Variants in CSMD3 observed in about 807,000 individuals in gnomAD.
CSMD3 encodes the protein CUB and Sushi multiple domains 3.
CSMD3 carries 177 observed loss-of-function variants against 435.2 expected under a neutral mutation model. That is an observed-to-expected ratio of 0.41 (90% CI 0.36 to 0.46). CSMD3 has a LOEUF of 0.46. Ranked by LOEUF, CSMD3 falls within the 20% of genes least tolerant of loss-of-function variation. The pLI, the probability that CSMD3 is intolerant of heterozygous loss-of-function variation, is 0.34. For synonymous variants in CSMD3, 1,656 were observed against 1,520.5 expected (o/e 1.09, Z -2.07); for missense variants, 4,265 against 4,504.6 (o/e 0.95, Z 1.52).
intron 16 of CSMD3, among the ~76,000 whole-genome samples, chr8:112,681,364 T>C (rs956703539): frequency 2.6e-5 from 4 of 151,952 alleles, no homozygotes; most frequent in Non-Finnish European, 5.9e-5. Flanking sequence ...TTTATATCTT[T>C]ATAATAAAAT....
At chr8:112,752,845 A>G (rs913561289) in intron 13 of CSMD3, among the ~76,000 whole-genome samples, 3 of 152,024 alleles carry the variant, frequency 2.0e-5, no homozygotes, top group African/African-American at 7.2e-5. Flanking sequence ...AATGTTTCCT[A>G]TAGTGTAAGA....
intron 7 of CSMD3, among the ~76,000 whole-genome samples, chr8:112,959,696 C>T (rs183413727): frequency 4.0e-4 from 61 of 151,756 alleles, no homozygotes; most frequent in Admixed American, 3.2e-3. Context: ...ATAAACTATA[C>T]TACTAATACA....
At chr8:112,657,387 C>T (rs1162746748) in intron 17 of CSMD3, among the ~76,000 whole-genome samples, 1 of 152,098 alleles carries the variant, frequency 6.6e-6, no homozygotes, top group Non-Finnish European at 1.5e-5. Flanking sequence ...AATAGTATTA[C>T]ATTATCTTAA....
At chr8:113,239,886 G>A (rs1049306501) in intron 3 of CSMD3, among the ~76,000 whole-genome samples, 2 of 151,920 alleles carry the variant, frequency 1.3e-5, no homozygotes, top group African/African-American at 4.8e-5. Context: ...TTAAATTCAG[G>A]GTTAAATTTG....
intron 66 of CSMD3, among the ~76,000 whole-genome samples, chr8:112,239,731 T>G (rs1337025262): frequency 1.3e-5 from 2 of 152,124 alleles, no homozygotes; most frequent in Non-Finnish European, 2.9e-5. Flanking sequence ...CTTAACATAT[T>G]TTGAATTTCA....
chr8:112,550,752 G>A lies in CSMD3; in HGVS notation c.4483C>T (p.His1495Tyr), dbSNP rs2131189318. Residue 1495 changes from histidine (H) to tyrosine (Y), a missense_variant, in exon 27 of 71, where the codon CAT becomes TAT. Transcript: ENST00000297405. The stretch of plus-strand genomic sequence containing the variant: ...ATGGTTACTATATTGAGGGTGCTAT[G>A]AATTCCTTCAGGAATAAGAGATCCA... ...ISGSLIPEGIHSTLNIVTIQF... is the reference protein window; with the variant it reads ...ISGSLIPEGIYSTLNIVTIQF... 2.5e-6 allele frequency: 4 copies of A among 1,603,570 alleles called. No homozygotes were observed. Among genetic ancestry groups the A allele is most frequent in the Non-Finnish European group, 3.4e-6 (4 of 1,170,830 alleles).
intron 24 of CSMD3, among the ~76,000 whole-genome samples, chr8:112,566,230 C>T (rs565074207): frequency 1.3e-5 from 2 of 152,092 alleles, no homozygotes; most frequent in Admixed American, 6.6e-5. Context: ...GTTCAATTTC[C>T]ATGTCTGCAC....
At position 112,319,959 on chromosome 8, in the gene CSMD3, T is replaced by C. The variant is rs1822838598; in HGVS notation, c.7188A>G (p.Gln2396=). The C allele has an allele frequency of 1.2e-6, 2 of 1,612,538 alleles. No homozygotes were observed. Among genetic ancestry groups the C allele is most frequent in the South Asian group, 1.1e-5 (1 of 91,058 alleles). ...CAGCATTGGGCACAGGTGGTGGAGGTTGGCACACCCTTAGTTGATAGGCTA... is the reference window on the plus strand; with the variant it reads ...CAGCATTGGGCACAGGTGGTGGAGGCTGGCACACCCTTAGTTGATAGGCTA... ...SYHAYQLRVC[Q]PPPPVPNAEI... is the part of the protein sequence containing the mutation. The change falls in exon 46 of 71, where the codon CAA becomes CAG. Residue 2396 remains glutamine (Q), a synonymous_variant. Transcript: ENST00000297405.
At chr8:113,314,139 ATTAAT>A (rs2093891643) in intron 2 of CSMD3, 1 of 154,058 alleles carries the variant, frequency 6.5e-6, no homozygotes, top group African/African-American at 2.4e-5. Flanking sequence ...ATTATCAGAA[ATTAAT>A]TTATTCTACT....
intron 55 of CSMD3, 152 bp downstream of exon 55, chr8:112,292,385 C>T: frequency 3.3e-6 from 2 of 610,618 alleles, no homozygotes; most frequent in Non-Finnish European, 5.7e-6. Flanking sequence ...AAAAGGAAAG[C>T]ATTGTTAATG....
chr8:112,320,621 G>T (rs969405686), intron 45 of CSMD3, among the ~76,000 whole-genome samples: 16 of 150,860 alleles, frequency 1.1e-4, no homozygotes, highest in Non-Finnish European at 1.9e-4. Context: ...GTATATCTCC[G>T]AATGCTATCC....
chr8:113,142,679 A>T lies in CSMD3; in HGVS notation c.709+31043T>A, dbSNP rs186883867. Among the ~76,000 whole-genome samples, 898 of 151,236 alleles carry T rather than the reference A, an allele frequency of 5.9e-3. 9 individuals are homozygous for T. Among genetic ancestry groups the T allele is most frequent in the African/African-American group, 0.019 (792 of 41,408 alleles). Reference sequence around the variant, plus strand: ...TAGAATGAATAAGATCTAGTATTTGACAACACAACAGAGTAACTACGGTCA... The same window carrying T: ...TAGAATGAATAAGATCTAGTATTTGTCAACACAACAGAGTAACTACGGTCA... On this transcript the variant is annotated intron_variant, in intron 4 of 70. Transcript: ENST00000297405.
At chr8:112,737,166 T>G (rs1238659760) in intron 13 of CSMD3, among the ~76,000 whole-genome samples, 1 of 151,910 alleles carries the variant, frequency 6.6e-6, no homozygotes, top group Non-Finnish European at 1.5e-5. Flanking sequence ...TACTTGAAGG[T>G]AAAGAGTGGG....
chr8:112,503,832 C>T lies in CSMD3; in HGVS notation c.5041G>A (p.Asp1681Asn), dbSNP rs1822230624. 5 of 1,612,922 alleles carry T rather than the reference C, an allele frequency of 3.1e-6. No individual in the cohort carries two copies. The highest frequency in any genetic ancestry group is 4.2e-6 in the Non-Finnish European group (5 of 1,179,352). ...SNTMHLAFRS[D>N]GSVSYTGFHL... ...AATCCAGTGTAACTAACAGATCCAT[C>T]ACTCCGAAAAGCCAAATGCATTGTA... The change falls in exon 30 of 71, where the codon GAT becomes AAT. Residue 1681 changes from aspartate (D) to asparagine (N), a missense_variant. By Grantham distance (23) the Asp-to-Asn change is conservative. Transcript: ENST00000297405.
rs563394357 is a variant in CSMD3, at chr8:112,525,796, G to GTATA, written c.4565-8575_4565-8572dup. 3.6e-3 allele frequency among the ~76,000 whole-genome samples: 418 copies of GTATA among 116,108 alleles called. 1 individual carries two copies. The highest frequency in any genetic ancestry group is 0.014 in the African/African-American group (398 of 28,038). The allele number at this position is 116,108 out of a possible 152,430, so 76.2% of individuals were successfully genotyped here. ...TTTATATGTGTGTGTATATATATATGTATATATATATATACACACACATAT... is the reference window on the plus strand; with the variant it reads ...TTTATATGTGTGTGTATATATATATGTATATATATATATATATACACACACATAT... On this transcript the variant is annotated intron_variant, in intron 27 of 70. Coordinates refer to ENST00000297405, the MANE Select transcript of CSMD3 (RefSeq NM_198123.2).
At chr8:113,334,288 T>TG (rs2094052388) in intron 1 of CSMD3, among the ~76,000 whole-genome samples, 1 of 91,538 alleles carries the variant, frequency 1.1e-5, no homozygotes, top group South Asian at 4.0e-4. Flanking sequence ...TTTTTTTTTT[T>TG]TTTTTTTCAT....
chr8:112,382,220 G>C (rs1829524502), intron 37 of CSMD3, among the ~76,000 whole-genome samples: 1 of 148,524 alleles, frequency 6.7e-6, no homozygotes, highest in African/African-American at 2.5e-5. Context: ...AGAATTCAAG[G>C]CTGCAGTGAG....
At chr8:112,781,787 G>T (rs1360175746) in intron 13 of CSMD3, among the ~76,000 whole-genome samples, 1 of 152,130 alleles carries the variant, frequency 6.6e-6, no homozygotes, top group Non-Finnish European at 1.5e-5. Flanking sequence ...ACTCTGCCTG[G>T]TAATCCAGGG....
chr8:112,222,929 T>G lies in CSMD3; in HGVS notation c.*1842A>C, dbSNP rs747488674. 5.1e-6 allele frequency: 2 copies of G among 393,462 alleles called. No homozygotes were observed. The highest frequency in any genetic ancestry group is 9.0e-6 in the Non-Finnish European group (2 of 222,522). 24.4% of individuals were successfully genotyped at this position (393,462 alleles called of 1,614,324 possible). A position where few individuals can be genotyped will look rare whatever the true frequency, so the allele number is the denominator to read the frequency against. ...TTTATTTTTGGAAAAAAAAACACAT[T>G]TTACAAAAGCAATTATCCATTTTTA... On this transcript the variant is annotated 3_prime_UTR_variant, in exon 71 of 71. Coordinates refer to ENST00000297405, the MANE Select transcript of CSMD3 (RefSeq NM_198123.2).
Sources: allele counts gnomAD v4.1 joint callset (sites outside exome capture counted in the v4.1 genomes callset), GRCh38; gene constraint gnomAD v4.1.1; transcripts MANE v1.5; gene names NCBI Gene and HGNC (gene_info 2026-07-23, HGNC 2026-07-21).